The following NRG2 variants were observed in gnomAD, a reference collection of about 807,000 sequenced individuals.
The protein encoded by NRG2 is neuregulin 2, also known as pro-neuregulin-2, membrane-bound isoform.
Under a neutral mutation model 73.9 loss-of-function variants are expected in NRG2, and 27 were observed. The ratio of observed to expected loss-of-function variants is 0.37; its 90% CI spans 0.27 to 0.50. The LOEUF is 0.50. Among genes scored for constraint, NRG2 ranks in the 20% least tolerant of loss-of-function variants. NRG2 has a pLI of 0.96. For synonymous variants in NRG2, 532 were observed against 541.0 expected (o/e 0.98, Z 0.23); for missense variants, 1,126 against 1,210.1 (o/e 0.93, Z 1.03).
At chr5:139,971,396 C>T (rs560091758) in intron 1 of NRG2, among the ~76,000 whole-genome samples, 64 of 152,236 alleles carry the variant, frequency 4.2e-4, no homozygotes, top group African/African-American at 1.5e-3. Context: ...CCTTAGGGGG[C>T]AGCCAACAAG....
intron 1 of NRG2, among the ~76,000 whole-genome samples, chr5:139,965,803 A>T (rs892377319): frequency 6.6e-6 from 1 of 152,112 alleles, no homozygotes; most frequent in Non-Finnish European, 1.5e-5. Context: ...TCAGGATGTG[A>T]CTGTGAGGTA....
At chr5:139,988,453 C>T (rs1011500933) in intron 1 of NRG2, among the ~76,000 whole-genome samples, 3 of 151,864 alleles carry the variant, frequency 2.0e-5, no homozygotes, top group Non-Finnish European at 2.9e-5. Flanking sequence ...ATGAAATATT[C>T]AGTGCTAAAA....
chr5:139,932,023 AT>A (rs1752500851), intron 1 of NRG2, among the ~76,000 whole-genome samples: 1 of 152,364 alleles, frequency 6.6e-6, no homozygotes, highest in Admixed American at 6.5e-5. Context: ...GGAAAACAAT[AT>A]GGAGATTCCT....
rs562903027 is a variant in NRG2, at chr5:139,924,925, G to A, written c.701-37414C>T. On this transcript the variant is annotated intron_variant, in intron 1 of 9. Coordinates refer to ENST00000361474, the MANE Select transcript of NRG2 (RefSeq NM_004883.3). ...TTTTTGGAATGGGGTCAAGGTAGAA[G>A]AGTGAAAATGACACAGGTGTGGGGA... 3.3e-5 allele frequency among the ~76,000 whole-genome samples: 5 copies of A among 152,326 alleles called. No individual in the cohort carries two copies. The South Asian group carries it at 1.0e-3, about 32-fold the overall frequency.
At chr5:139,874,374 C>A (rs1046243468) in intron 3 of NRG2, among the ~76,000 whole-genome samples, 1 of 152,366 alleles carries the variant, frequency 6.6e-6, no homozygotes, top group Middle Eastern at 3.4e-3. Flanking sequence ...GCCCTACCCA[C>A]CTTCTTCCCC....
Position 140,025,896 on chromosome 5 carries a change from C to T in NRG2, c.700+16474G>A, listed in dbSNP as rs182026577. The stretch of plus-strand genomic sequence containing the variant: ...CCGCACACACACTTGCCCTCCTCCC[C>T]CATCCGACTATGCCAAGTGATAGAC... On this transcript the variant is annotated intron_variant, in intron 1 of 9. Transcript: ENST00000361474. Among the ~76,000 whole-genome samples, 288 of 152,300 alleles carry T rather than the reference C, an allele frequency of 1.9e-3. No individual in the cohort carries two copies. The Middle Eastern group carries it at 0.024, about 13-fold the overall frequency.
At chr5:139,884,102 T>C (rs1259050606) in intron 2 of NRG2, among the ~76,000 whole-genome samples, 1 of 152,138 alleles carries the variant, frequency 6.6e-6, no homozygotes, top group African/African-American at 2.4e-5. Context: ...GCCCTCAGTG[T>C]AGAGCTCTCT....
chr5:139,909,019 G>A (rs1446258653), intron 1 of NRG2, among the ~76,000 whole-genome samples: 5 of 152,224 alleles, frequency 3.3e-5, no homozygotes, highest in African/African-American at 1.2e-4. Flanking sequence ...CACAGGTTGT[G>A]CAATGCCCTG....
chr5:139,914,488 A>G (rs1207758681), intron 1 of NRG2, among the ~76,000 whole-genome samples: 1 of 152,156 alleles, frequency 6.6e-6, no homozygotes, highest in African/African-American at 2.4e-5. Flanking sequence ...GGTTCCCAGT[A>G]TGTGTATATA....
At chr5:139,996,554 G>A (rs1257114237) in intron 1 of NRG2, among the ~76,000 whole-genome samples, 2 of 152,186 alleles carry the variant, frequency 1.3e-5, no homozygotes, top group African/African-American at 2.4e-5. Flanking sequence ...AAGAAAACAC[G>A]TATCTTCAGG....
At chr5:140,028,943 T>G (rs1039086905) in intron 1 of NRG2, among the ~76,000 whole-genome samples, 1 of 152,104 alleles carries the variant, frequency 6.6e-6, no homozygotes, top group African/African-American at 2.4e-5. Flanking sequence ...CCAGGCAAGG[T>G]CCTTGGTCCT....
chr5:140,030,726 C>A (rs932372305), intron 1 of NRG2, among the ~76,000 whole-genome samples: 1 of 152,226 alleles, frequency 6.6e-6, no homozygotes, highest in Non-Finnish European at 1.5e-5. Flanking sequence ...AGACCTTTCT[C>A]CTTTCTCTCA....
At chr5:140,007,624 T>A (rs1199160015) in intron 1 of NRG2, among the ~76,000 whole-genome samples, 3 of 152,078 alleles carry the variant, frequency 2.0e-5, no homozygotes, top group African/African-American at 7.2e-5. Flanking sequence ...GGGTGACAAT[T>A]TTAGACTTCA....
chr5:139,937,859 A>T (rs1752961383), intron 1 of NRG2, among the ~76,000 whole-genome samples: 2 of 152,224 alleles, frequency 1.3e-5, no homozygotes, highest in Admixed American at 6.5e-5. Flanking sequence ...GAACACACAG[A>T]ATATATTTTT....
intron 1 of NRG2, among the ~76,000 whole-genome samples, chr5:139,976,872 A>G (rs1756417191): frequency 6.6e-6 from 1 of 152,244 alleles, no homozygotes; most frequent in South Asian, 2.1e-4. Flanking sequence ...AGAGCACTGC[A>G]TGGGAGTGAG....
At chr5:139,928,950 G>A (rs1757307413) in intron 1 of NRG2, among the ~76,000 whole-genome samples, 1 of 152,048 alleles carries the variant, frequency 6.6e-6, no homozygotes, top group African/African-American at 2.4e-5. Context: ...TCTCATCATG[G>A]CCATCAAAAG....
At chr5:139,878,362 C>CT (rs1763313888) in intron 3 of NRG2, among the ~76,000 whole-genome samples, 1 of 152,206 alleles carries the variant, frequency 6.6e-6, no homozygotes. Flanking sequence ...TGTGACTGTA[C>CT]TTATGGACAC....
At chr5:140,017,502 A>ATAATGG (rs1759886009) in intron 1 of NRG2, among the ~76,000 whole-genome samples, 1 of 152,236 alleles carries the variant, frequency 6.6e-6, no homozygotes, top group Non-Finnish European at 1.5e-5. Flanking sequence ...AAAGGAGGAC[A>ATAATGG]ACTAAGGAGG....
intron 1 of NRG2, among the ~76,000 whole-genome samples, chr5:139,910,469 C>T (rs10515509): frequency 0.14 from 21,819 of 152,198 alleles, 1,651 homozygotes; most frequent in South Asian, 0.24. Context: ...CAGACTGTGA[C>T]GTTCTGAGCA....
Sources: allele counts gnomAD v4.1 joint callset (sites outside exome capture counted in the v4.1 genomes callset), GRCh38; gene constraint gnomAD v4.1.1; transcripts MANE v1.5; gene names NCBI Gene and HGNC (gene_info 2026-07-23, HGNC 2026-07-21).